The following KAZN variants were observed in gnomAD, a reference collection of about 807,000 sequenced individuals.
KAZN encodes kazrin.
KAZN carries 40 observed loss-of-function variants against 87.4 expected under a neutral mutation model. That is an observed-to-expected ratio of 0.46 (90% CI 0.36 to 0.60). The LOEUF (loss-of-function observed/expected upper bound fraction) is 0.60, where lower values mean the gene tolerates loss of function less well. Among genes scored for constraint, KAZN ranks in the 20% least tolerant of loss-of-function variants. The pLI is 0.00. For synonymous variants in KAZN, 466 were observed against 458.3 expected, an observed-to-expected ratio of 1.02 and a Z score of -0.22; for missense variants, 898 against 1,073.9, an observed-to-expected ratio of 0.84 and a Z score of 2.29.
intron 2 of KAZN, among the ~76,000 whole-genome samples, chr1:14,584,327 A>G (rs1318374654): frequency 6.6e-6 from 1 of 152,222 alleles, no homozygotes; most frequent in East Asian, 1.9e-4. Context: ...GAATGAGGTA[A>G]GCCCGGAGTT....
intron 8 of KAZN, among the ~76,000 whole-genome samples, chr1:15,089,989 C>G (rs1324527149): frequency 6.6e-6 from 1 of 152,190 alleles, no homozygotes; most frequent in Non-Finnish European, 1.5e-5. Flanking sequence ...TCCCCTCCTT[C>G]GTGATTTCCC....
intron 1 of KAZN, among the ~76,000 whole-genome samples, chr1:13,896,878 G>T: frequency 6.6e-6 from 1 of 152,210 alleles, no homozygotes; most frequent in East Asian, 1.9e-4. Context: ...GGGCGCCTAG[G>T]ATTTAGTGGG....
intron 1 of KAZN, among the ~76,000 whole-genome samples, chr1:13,982,798 C>T (rs1179866339): frequency 6.6e-6 from 1 of 152,194 alleles, no homozygotes; most frequent in Non-Finnish European, 1.5e-5. Context: ...CACTCACAAA[C>T]CCTGAGCTAG....
At chr1:14,906,419 G>T (rs964489508) in intron 1 of KAZN, among the ~76,000 whole-genome samples, 4 of 151,974 alleles carry the variant, frequency 2.6e-5, no homozygotes, top group African/African-American at 4.8e-5. Context: ...TCCTTGACTT[G>T]GTGGCGGGCA....
At chr1:14,863,813 T>G (rs1237669119) in intron 1 of KAZN, among the ~76,000 whole-genome samples, 1 of 151,540 alleles carries the variant, frequency 6.6e-6, no homozygotes, top group East Asian at 1.9e-4. Context: ...TGAGTCGGAG[T>G]AGGGGCACAG....
intron 1 of KAZN, among the ~76,000 whole-genome samples, chr1:14,601,088 A>G (rs1433308484): frequency 6.6e-6 from 1 of 152,206 alleles, no homozygotes; most frequent in Non-Finnish European, 1.5e-5. Flanking sequence ...CCTTAAAAAC[A>G]CATAAAACCA....
At chr1:14,736,260 T>G (rs929344520) in intron 1 of KAZN, among the ~76,000 whole-genome samples, 8 of 80,632 alleles carry the variant, frequency 9.9e-5, no homozygotes, top group Admixed American at 4.3e-4. Flanking sequence ...CAAGGGTGTG[T>G]GTGTGTGTGT....
At chr1:14,554,018 G>C (rs1673709722) in intron 2 of KAZN, among the ~76,000 whole-genome samples, 1 of 152,152 alleles carries the variant, frequency 6.6e-6, no homozygotes, top group Non-Finnish European at 1.5e-5. Context: ...GAATGTAGAA[G>C]AGTAATTAGG....
At chr1:14,842,538 C>T (rs906456825) in intron 1 of KAZN, among the ~76,000 whole-genome samples, 1 of 152,168 alleles carries the variant, frequency 6.6e-6, no homozygotes, top group Admixed American at 6.5e-5. Context: ...CCTACATCAT[C>T]GAGTGAAATA....
intron 2 of KAZN, among the ~76,000 whole-genome samples, chr1:14,199,617 AAAG>A (rs1247459530): frequency 1.3e-5 from 2 of 152,204 alleles, no homozygotes; most frequent in Admixed American, 1.3e-4. Flanking sequence ...GCAGTTGTTG[AAAG>A]AAGGGCTCTG....
chr1:14,133,377 A>AAAGAAAGAAAG (rs1553132990), intron 1 of KAZN, among the ~76,000 whole-genome samples: 3 of 72,098 alleles, frequency 4.2e-5, no homozygotes, highest in African/African-American at 7.3e-5. Context: ...AAAAAAAAAA[A>AAAGAAAGAAAG]AAAGAAAGAA....
chr1:14,535,633 T>C (rs1672463431), intron 2 of KAZN, among the ~76,000 whole-genome samples: 1 of 150,344 alleles, frequency 6.7e-6, no homozygotes, highest in Non-Finnish European at 1.5e-5. Flanking sequence ...ACCACTGCAC[T>C]CCAGCCTGGC....
At chr1:14,288,384 A>C (rs1273980047) in intron 2 of KAZN, among the ~76,000 whole-genome samples, 1 of 152,116 alleles carries the variant, frequency 6.6e-6, no homozygotes, top group Non-Finnish European at 1.5e-5. Context: ...TCAGAGATTA[A>C]ATTTCTCCTA....
At chr1:13,990,826 A>T (rs1399364915) in intron 1 of KAZN, among the ~76,000 whole-genome samples, 2 of 152,244 alleles carry the variant, frequency 1.3e-5, no homozygotes, top group Non-Finnish European at 2.9e-5. Context: ...AGCAAGTGCA[A>T]TAAATGTTAA....
chr1:14,616,564 G>A (rs954253543), intron 1 of KAZN, among the ~76,000 whole-genome samples: 1 of 152,094 alleles, frequency 6.6e-6, no homozygotes, highest in Non-Finnish European at 1.5e-5. Flanking sequence ...AAAGGTGAGG[G>A]CTGGGCCCCT....
intron 1 of KAZN, among the ~76,000 whole-genome samples, chr1:13,917,042 A>G (rs1232220320): frequency 1.3e-5 from 2 of 152,228 alleles, no homozygotes; most frequent in East Asian, 1.9e-4. Context: ...CTGTATGCCA[A>G]GATAGCCAGG....
At chr1:14,732,935 T>A (rs1443459362) in intron 1 of KAZN, among the ~76,000 whole-genome samples, 1 of 152,136 alleles carries the variant, frequency 6.6e-6, no homozygotes, top group Non-Finnish European at 1.5e-5. Flanking sequence ...ATTTTCTGAA[T>A]GAACAGGGAA....
At chr1:14,296,526 G>A (rs1174015001) in intron 2 of KAZN, among the ~76,000 whole-genome samples, 1 of 151,798 alleles carries the variant, frequency 6.6e-6, no homozygotes, top group Non-Finnish European at 1.5e-5. Context: ...GGGAGCATGA[G>A]CCCTTATTAT....
chr1:14,969,498 C>T (rs1316277281), intron 2 of KAZN, among the ~76,000 whole-genome samples: 1 of 152,258 alleles, frequency 6.6e-6, no homozygotes, highest in Non-Finnish European at 1.5e-5. Context: ...GTAGAAGACT[C>T]TTTGCTGGTA....
Sources: gnomAD v4.1 joint callset for allele counts (sites outside exome capture counted in the v4.1 genomes callset) on GRCh38, gnomAD v4.1.1 for gene constraint, MANE v1.5 for transcripts, NCBI Gene and HGNC (gene_info 2026-07-23, HGNC 2026-07-21) for gene names.